The following IQCH variants were observed in gnomAD, a reference collection of about 807,000 sequenced individuals.
IQCH encodes the protein IQ domain-containing protein H.
A neutral mutation model predicts 117.0 loss-of-function variants in IQCH; 98 were observed. The observed-to-expected ratio is 0.84, with a 90% CI of 0.71 to 0.99. IQCH has a LOEUF of 0.99. Ranked by LOEUF, IQCH falls within the 50% of genes least tolerant of loss-of-function variation. The pLI is 0.00. For missense variants in IQCH, 1,102 were observed against 1,243.8 expected (o/e 0.89, Z 1.72); for synonymous variants, 412 against 448.2 (o/e 0.92, Z 1.02).
chr15:67,343,965 T>C, intron 5 of IQCH, 98 bp from the exon 6 acceptor site: 1 of 1,023,848 alleles, frequency 9.8e-7, no homozygotes, highest in Admixed American at 2.4e-5. Flanking sequence ...ACAAATAAGA[T>C]GATGAATGGA....
chr15:67,297,133 T>A (rs1014643863), intron 4 of IQCH, among the ~76,000 whole-genome samples: 1 of 152,182 alleles, frequency 6.6e-6, no homozygotes, highest in African/African-American at 2.4e-5. Flanking sequence ...GGCTTCTACT[T>A]TGTTGATCCT....
intron 5 of IQCH, among the ~76,000 whole-genome samples, chr15:67,337,548 A>G (rs1017781482): frequency 1.3e-5 from 2 of 152,186 alleles, no homozygotes; most frequent in Non-Finnish European, 2.9e-5. Flanking sequence ...GTCTTGTGAA[A>G]CCAGTGGATT....
rs143601592 is a variant in IQCH, at chr15:67,468,679, T to C, written c.2676+3382T>C. On this transcript the variant is annotated intron_variant, in intron 17 of 20. Transcript: ENST00000335894. ...ACCCTTAAACAATAGTTCTGTGTTA[T>C]TGCAGCCACATTCAAGTTTACGCTT... Among the ~76,000 whole-genome samples, 62 of 152,368 alleles carry C rather than the reference T, an allele frequency of 4.1e-4. 2 individuals are homozygous for C. The East Asian group carries it at 0.011, about 27-fold the overall frequency.
At chr15:67,372,056 T>C (rs894756541) in intron 8 of IQCH, 55 bp from the exon 9 acceptor site, 1 of 1,443,548 alleles carries the variant, frequency 6.9e-7, no homozygotes, top group Non-Finnish European at 9.4e-7. Flanking sequence ...GACCACTCAT[T>C]TAAAGGAGAT....
intron 1 of IQCH, among the ~76,000 whole-genome samples, chr15:67,258,308 TC>T (rs1352163030): frequency 6.6e-6 from 1 of 150,662 alleles, no homozygotes. Flanking sequence ...GGCGGGAGAA[TC>T]ACCTGAGGTC....
intron 4 of IQCH, among the ~76,000 whole-genome samples, chr15:67,295,484 A>T (rs1365597796): frequency 1.3e-5 from 2 of 152,100 alleles, no homozygotes; most frequent in Non-Finnish European, 2.9e-5. Flanking sequence ...GCTATGTGGG[A>T]TGAGTCTATG....
At position 67,372,199 on chromosome 15, in the gene IQCH, C is replaced by T. The variant is rs1970558635; in HGVS notation, c.842C>T (p.Ala281Val). The change falls in exon 9 of 21, where the codon GCC becomes GTC. Residue 281 changes from alanine (A) to valine (V), a missense_variant. By Grantham distance (64) the Ala-to-Val change is moderately conservative (BLOSUM62 0). This residue lies in a region of IQCH where 452 missense variants were observed against 449.6 expected (regional missense o/e 1.01). Coordinates refer to ENST00000335894, the MANE Select transcript of IQCH (RefSeq NM_001031715.3). Reference protein sequence around the residue: ...LIYDGVIDNTAPDFLAFKEHF... With the variant: ...LIYDGVIDNTVPDFLAFKEHF... ...TATGATGGTGTCATAGACAATACAG[C>T]CCCAGACTTCTTAGCATTCAAGGAA... 1.2e-6 allele frequency: 2 copies of T among 1,613,984 alleles called. No individual in the cohort carries two copies. The highest frequency in any genetic ancestry group is 1.7e-6 in the Non-Finnish European group (2 of 1,179,912).
chr15:67,276,683 A>C lies in IQCH; in HGVS notation c.270-2712A>C, dbSNP rs150641671. 8.7e-3 allele frequency among the ~76,000 whole-genome samples: 1,324 copies of C among 152,194 alleles called. 17 individuals are homozygous for C. The highest frequency in any genetic ancestry group is 0.029 in the African/African-American group (1,198 of 41,530). On this transcript the variant is annotated intron_variant, in intron 3 of 20. Transcript: ENST00000335894. The stretch of plus-strand genomic sequence containing the variant: ...TACTTGCATAGTTTCTGAAAAAAAA[A>C]GTTCAATATAATTATTATCAATAGG...
chr15:67,451,907 C>A (rs1278891410), intron 16 of IQCH, among the ~76,000 whole-genome samples: 1 of 152,128 alleles, frequency 6.6e-6, no homozygotes, highest in Non-Finnish European at 1.5e-5. Flanking sequence ...TCTGGGTGCT[C>A]CTGTATTGGG....
chr15:67,420,492 G>T (rs3809573), intron 15 of IQCH, among the ~76,000 whole-genome samples: 20,864 of 152,110 alleles, frequency 0.14, 1,496 homozygotes, highest in East Asian at 0.21. Context: ...ATATCTTAAA[G>T]TTTTTCTCTA....
Position 67,479,945 on chromosome 15 carries a change from G to A in IQCH, c.2799+4127G>A, listed in dbSNP as rs1025334109. ...ACATATGGGAAGGGAGCATTGCTGA[G>A]TTTGTAAGCAACTTGGTGGGTCTCA... On this transcript the variant is annotated intron_variant, in intron 18 of 20. Coordinates refer to ENST00000335894, the MANE Select transcript of IQCH (RefSeq NM_001031715.3). This position sits in a 1 kb window ranked among gnomAD's most constrained non-coding sequence, Gnocchi z 4.6. Among the ~76,000 whole-genome samples, 3 of 152,212 alleles carry A rather than the reference G, an allele frequency of 2.0e-5. No homozygotes were observed. Among genetic ancestry groups the A allele is most frequent in the East Asian group, 1.9e-4 (1 of 5,192 alleles).
Position 67,357,433 on chromosome 15 carries a change from C to T in IQCH, c.714+12C>T. 6.6e-7 allele frequency: 1 copy of T among 1,511,126 alleles called. No individual in the cohort carries two copies. The highest frequency in any genetic ancestry group is 9.2e-7 in the Non-Finnish European group (1 of 1,086,058). 93.6% of individuals were successfully genotyped at this position (1,511,126 alleles called of 1,614,324 possible). On this transcript the variant is annotated intron_variant, in intron 7 of 20. Coordinates refer to ENST00000335894, the MANE Select transcript of IQCH (RefSeq NM_001031715.3). ...AACAAAGATCAAAGGTATTTATATT[C>T]CTCACTATAGAAAGAAAATTATTCT... is the stretch of plus-strand genomic sequence containing the variant.
chr15:67,276,583 C>G (rs1441672391), intron 3 of IQCH, among the ~76,000 whole-genome samples: 10 of 152,002 alleles, frequency 6.6e-5, no homozygotes, highest in Non-Finnish European at 1.5e-4. Context: ...TTCCTCTTCA[C>G]TTTTGAAGGA....
At chr15:67,372,045 T>C (rs1261421157) in intron 8 of IQCH, 66 bp from the exon 9 acceptor site, 4 of 1,345,926 alleles carry the variant, frequency 3.0e-6, no homozygotes, top group Non-Finnish European at 4.1e-6. Flanking sequence ...GTGTGTGTCT[T>C]GACCACTCAT....
chr15:67,411,625 GTGTCTGTA>G lies in IQCH; in HGVS notation c.2098-5302_2098-5295del, dbSNP rs1420375839. 7.2e-6 allele frequency among the ~76,000 whole-genome samples: 1 copy of G among 139,070 alleles called. No homozygotes were observed. Among genetic ancestry groups the G allele is most frequent in the African/African-American group, 2.5e-5 (1 of 40,404 alleles). The allele number at this position is 139,070 out of a possible 152,430, so 91.2% of individuals were successfully genotyped here. On this transcript the variant is annotated intron_variant, in intron 14 of 20. Coordinates refer to ENST00000335894, the MANE Select transcript of IQCH (RefSeq NM_001031715.3). The surrounding 1 kb of genome is among the most constrained non-coding windows in gnomAD (Gnocchi z 4.4). Reference sequence around the variant, plus strand: ...GCACATGACCCAATTACACCAATGTGTGTCTGTATGTGTGTATGTGTGTGTAATACACA... The same window carrying G: ...GCACATGACCCAATTACACCAATGTGTGTGTGTATGTGTGTGTAATACACA...
rs1304201066 is a variant in IQCH at position 67,476,100 on chromosome 15, A to C, written c.2799+282A>C. ...AGACTTAGGAGGCATTTTGGGGACC[A>C]CCTCATGATCCTGAAGCAGGCCCTG... On this transcript the variant is annotated intron_variant, in intron 18 of 20. Transcript: ENST00000335894. The surrounding 1 kb of genome is among the most constrained non-coding windows in gnomAD (Gnocchi z 4.1). Among the ~76,000 whole-genome samples, 1 of 152,228 alleles carries C rather than the reference A, an allele frequency of 6.6e-6. No homozygotes were observed. Among genetic ancestry groups the C allele is most frequent in the Non-Finnish European group, 1.5e-5 (1 of 68,042 alleles).
rs761930762 is a variant in IQCH, at chr15:67,493,833, G to A, written c.2862-425G>A. On this transcript the variant is annotated intron_variant, in intron 19 of 20. Coordinates refer to ENST00000335894, the MANE Select transcript of IQCH (RefSeq NM_001031715.3). This position sits in a 1 kb window ranked among gnomAD's most constrained non-coding sequence, Gnocchi z 5.1. ...CTCCCCTCACCCCACGACAGGCCCC[G>A]GTGTGTGATGTTCCCTACCCTGTGT... Among the ~76,000 whole-genome samples the A allele has an allele frequency of 8.6e-5, 13 of 151,962 alleles. No homozygotes were observed. Among genetic ancestry groups the A allele is most frequent in the Non-Finnish European group, 1.6e-4 (11 of 68,016 alleles).
intron 4 of IQCH, among the ~76,000 whole-genome samples, chr15:67,329,298 CAAA>C (rs112654218): frequency 5.6e-5 from 8 of 142,890 alleles, no homozygotes; most frequent in Admixed American, 7.1e-5. Flanking sequence ...GACCTTGTCT[CAAA>C]AAAAAAAAAA....
At chr15:67,392,618 A>T (rs544443242) in intron 12 of IQCH, among the ~76,000 whole-genome samples, 6 of 152,110 alleles carry the variant, frequency 3.9e-5, no homozygotes, top group African/African-American at 1.2e-4. Flanking sequence ...CTCTACAAAA[A>T]ATACAAAAAT....
Sources: gnomAD v4.1 joint callset for allele counts (sites outside exome capture counted in the v4.1 genomes callset) on GRCh38, gnomAD v4.1.1 for gene constraint, gnomAD v4.1.1 regional missense constraint, Gnocchi (gnomAD v3.1) non-coding constraint, MANE v1.5 for transcripts, NCBI Gene and HGNC (gene_info 2026-07-23, HGNC 2026-07-21) for gene names.